The following KARS1 variants were observed in gnomAD, a reference collection of about 807,000 sequenced individuals.
The protein encoded by KARS1 is lysyl-tRNA synthetase 1, also known as lysine--tRNA ligase.
A neutral mutation model predicts 63.9 loss-of-function variants in KARS1; 50 were observed. The observed-to-expected ratio is 0.78, with a 90% confidence interval of 0.62 to 0.99. The LOEUF (loss-of-function observed/expected upper bound fraction) is 0.99. Ranked by LOEUF, KARS1 falls within the 50% of genes least tolerant of loss-of-function variation. KARS1 has a pLI of 0.00. For synonymous variants in KARS1, 320 were observed against 264.6 expected (o/e 1.21, Z -2.03); for missense variants, 816 against 754.5 (o/e 1.08, Z -0.95).
chr16:75,630,627 T>C, intron 10 of KARS1, 119 bp from the exon 11 acceptor site: 2 of 381,852 alleles, frequency 5.2e-6, no homozygotes, highest in Non-Finnish European at 9.1e-6. Flanking sequence ...TTTTTATTTA[T>C]TTATTATTAT....
intron 12 of KARS1, among the ~76,000 whole-genome samples, chr16:75,629,197 G>A (rs530241006): frequency 3.3e-5 from 5 of 152,266 alleles, no homozygotes; most frequent in East Asian, 3.9e-4. Flanking sequence ...CAAGCGTCAC[G>A]CTTTCCATAC....
chr16:75,641,717 C>T lies in KARS1; in HGVS notation c.69G>A (p.Leu23=), dbSNP rs755930494. The part of the protein sequence containing the change: ...GSEPKLSKNE[L]KRRLKAEKKV... ...TCTTCTCAGCTTTCAGGCGTCTCTT[C>T]AGCTCACTGTTGGAAAGATGAAAGC... The change falls in exon 2 of 14, where the codon CTG becomes CTA. Residue 23 remains leucine, a synonymous_variant. Coordinates refer to ENST00000302445, the MANE Select transcript of KARS1 (RefSeq NM_005548.3). 8.1e-6 allele frequency: 13 copies of T among 1,613,828 alleles called. No individual in the cohort carries two copies. The highest frequency in any genetic ancestry group is 1.1e-5 in the Non-Finnish European group (13 of 1,180,038).
chr16:75,645,597 A>G (rs2082271637), intron 1 of KARS1, among the ~76,000 whole-genome samples: 1 of 152,120 alleles, frequency 6.6e-6, no homozygotes, highest in African/African-American at 2.4e-5. Context: ...CTATAATCCT[A>G]GCGCTTTGTG....
chr16:75,637,099 G>C (rs975104418), intron 3 of KARS1, among the ~76,000 whole-genome samples: 1 of 152,068 alleles, frequency 6.6e-6, no homozygotes, highest in African/African-American at 2.4e-5. Context: ...TAAGTCACTG[G>C]ATGCCTAGAA....
chr16:75,631,155 AGG>A lies in KARS1; in HGVS notation c.1338+11_1338+12del, dbSNP rs201957065. ...CAGATGAGGACATGTACAAGAAGGC[AGG>A]GCCTTCTCACCTTGTCAAGGAGCCT... On this transcript the variant is annotated intron_variant, in intron 10 of 13. Coordinates refer to ENST00000302445, the MANE Select transcript of KARS1 (RefSeq NM_005548.3). 8 of 1,601,660 alleles carry A rather than the reference AGG, an allele frequency of 5.0e-6. No individual in the cohort carries two copies. The East Asian group carries it at 1.8e-4, about 36-fold the overall frequency.
chr16:75,644,373 C>G, intron 1 of KARS1: 1 of 1,612,540 alleles, frequency 6.2e-7, no homozygotes, highest in Non-Finnish European at 8.5e-7. Flanking sequence ...CCACTCTGCC[C>G]AGGAGGTTTT....
intron 7 of KARS1, among the ~76,000 whole-genome samples, chr16:75,633,499 T>C (rs2082132851): frequency 6.6e-6 from 1 of 151,648 alleles, no homozygotes; most frequent in African/African-American, 2.4e-5. Flanking sequence ...GACATCTTTA[T>C]AGTGATTTGA....
At chr16:75,635,246 A>C in intron 6 of KARS1, 1 of 283,872 alleles carries the variant, frequency 3.5e-6, no homozygotes, top group Non-Finnish European at 6.9e-6. Context: ...TATGCCCAGT[A>C]AATGGTGTGG....
Position 75,647,563 on chromosome 16 carries a change from C to T in KARS1, c.62+15G>A, listed in dbSNP as rs1368316056. The stretch of plus-strand genomic sequence containing the variant: ...TCCTACCGCAAAGGCTTTAAAGACT[C>T]GCAGCGACACTCACTTCTTGCTCAG... On this transcript the variant is annotated intron_variant, in intron 1 of 13. Coordinates refer to ENST00000302445, the MANE Select transcript of KARS1 (RefSeq NM_005548.3). 4 of 1,611,448 alleles carry T rather than the reference C, an allele frequency of 2.5e-6. No individual in the cohort carries two copies. Among genetic ancestry groups the T allele is most frequent in the South Asian group, 1.1e-5 (1 of 90,696 alleles).
chr16:75,631,189 G>T lies in KARS1; in HGVS notation c.1317C>A (p.Thr439=). Residue 439 remains threonine, a synonymous_variant, in exon 10 of 14, where the codon ACC becomes ACA. Transcript: ENST00000302445. The stretch of plus-strand genomic sequence containing the variant: ...TCACCTTGTCAAGGAGCCTGGCTGT[G>T]GTCCGAGGTGGAGGGCATTCAACAG... The part of the protein sequence containing the change: ...AKAVECPPPR[T]TARLLDKLVG... 1.2e-6 allele frequency: 2 copies of T among 1,613,910 alleles called. No homozygotes were observed. Among genetic ancestry groups the T allele is most frequent in the Non-Finnish European group, 1.7e-6 (2 of 1,179,872 alleles).
chr16:75,647,304 T>C (rs1050774283), intron 1 of KARS1, among the ~76,000 whole-genome samples: 1 of 152,224 alleles, frequency 6.6e-6, no homozygotes, highest in Admixed American at 6.5e-5. Context: ...TGATAACTCT[T>C]AGTTCTCGTC....
chr16:75,630,529 G>A, intron 10 of KARS1, 21 bp from the exon 11 acceptor site: 1 of 1,486,662 alleles, frequency 6.7e-7, no homozygotes, highest in Non-Finnish European at 9.4e-7. Context: ...AAGCAAAGCA[G>A]AGTCAGTCAC....
Position 75,640,218 on chromosome 16 carries a change from C to T in KARS1, c.354G>A (p.Gly118=). 1.2e-6 allele frequency: 2 copies of T among 1,614,068 alleles called. No homozygotes were observed. The highest frequency in any genetic ancestry group is 1.7e-4 in the Middle Eastern group (1 of 6,056). ...FIQKYSHLQP[G]DHLTDITLKV... is the part of the protein sequence containing the mutation. ...TTAAGGTGATGTCAGTCAGGTGATC[C>T]CCAGGCTGCAGGTGACTATATTTTT... The change falls in exon 3 of 14, where the codon GGG becomes GGA. Residue 118 remains glycine (G), a synonymous_variant. Transcript: ENST00000302445.
chr16:75,641,448 C>T (rs2082222420), intron 2 of KARS1, 116 bp downstream of exon 2: 1 of 850,486 alleles, frequency 1.2e-6, no homozygotes, highest in Non-Finnish European at 1.9e-6. Flanking sequence ...TCCCTTATCC[C>T]TGGCAGTGAC....
Position 75,635,680 on chromosome 16 carries a change from C to T in KARS1, c.795G>A (p.Glu265=). 1 of 1,613,858 alleles carries T rather than the reference C, an allele frequency of 6.2e-7. No homozygotes were observed. The highest frequency in any genetic ancestry group is 1.1e-5 in the South Asian group (1 of 91,042). Residue 265 remains glutamate, a splice_region_variant and synonymous_variant, in exon 6 of 14, where the codon GAG becomes GAA. Transcript: ENST00000302445. ...ACGTCAGGCAAGGAACTCTCCTTAC[C>T]TCTAGGAATCCCAGCTCATCTAAGA... ...RSFLDELGFL[E]IETPMMNIIP... is the part of the protein sequence containing the mutation.
Position 75,631,762 on chromosome 16 carries a change from T to C in KARS1, c.1009A>G (p.Thr337Ala). The C allele has an allele frequency of 6.2e-7, 1 of 1,614,216 alleles. No homozygotes were observed. Residue 337 changes from threonine (T) to alanine (A), a missense_variant, in exon 8 of 14, where the codon ACC (threonine) becomes GCC (alanine). Thr to Ala is a moderately conservative substitution (Grantham distance 58). Coordinates refer to ENST00000302445, the MANE Select transcript of KARS1 (RefSeq NM_005548.3). ...IDLTHNPEFT[T>A]CEFYMAYADY... ...GCATAGGCCATGTAGAACTCACAGGTGGTGAACTCAGGATTGTGCGTCAAA... is the reference window on the plus strand; with the variant it reads ...GCATAGGCCATGTAGAACTCACAGGCGGTGAACTCAGGATTGTGCGTCAAA...
At chr16:75,646,062 A>G (rs1417175050) in intron 1 of KARS1, among the ~76,000 whole-genome samples, 1 of 152,180 alleles carries the variant, frequency 6.6e-6, no homozygotes, top group African/African-American at 2.4e-5. Context: ...AATTTGACTT[A>G]ATAAAGTCAA....
At chr16:75,645,366 T>C (rs748083321) in intron 1 of KARS1, among the ~76,000 whole-genome samples, 3 of 152,222 alleles carry the variant, frequency 2.0e-5, no homozygotes, top group African/African-American at 4.8e-5. Flanking sequence ...TGCTAGACTA[T>C]ATTTTAGGAA....
intron 11 of KARS1, 32 bp downstream of exon 11, chr16:75,630,391 T>G (rs1379529796): frequency 1.5e-6 from 2 of 1,313,124 alleles, no homozygotes; most frequent in Non-Finnish European, 2.2e-6. Context: ...GTTTTGGGGC[T>G]GTTATGCAGC....
Sources: allele counts gnomAD v4.1 joint callset (sites outside exome capture counted in the v4.1 genomes callset), GRCh38; gene constraint gnomAD v4.1.1; transcripts MANE v1.5; gene names NCBI Gene and HGNC (gene_info 2026-07-23, HGNC 2026-07-21).